Variants in PCDHGA1 observed in about 807,000 individuals in gnomAD.
PCDHGA1 encodes the protein protocadherin gamma-A1.
Under a neutral mutation model 58.0 loss-of-function variants are expected in PCDHGA1, and 32 were observed. The observed-to-expected ratio is 0.55, with a 90% confidence interval of 0.42 to 0.74. The LOEUF (loss-of-function observed/expected upper bound fraction) is 0.74, where lower values mean the gene tolerates loss of function less well. PCDHGA1 is among the 30% of genes least tolerant of loss of function. PCDHGA1 has a pLI of 0.00. For synonymous variants in PCDHGA1, 498 were observed against 501.1 expected (o/e 0.99, Z 0.08); for missense variants, 1,205 against 1,182.3 (o/e 1.02, Z -0.28).
In PCDHGA1 at chr5:141,408,459, T is replaced by A; in HGVS notation, c.2421+75354T>A. 5 of 1,613,950 alleles carry A rather than the reference T, an allele frequency of 3.1e-6. No homozygotes were observed. The East Asian group carries it at 1.1e-4, about 36-fold the overall frequency. Reference sequence around the variant, plus strand: ...GACGCGGAGAGCGGGGACTTACTTGTGAAGAACCGAATAGACCGTGAGCAA... The same window carrying A: ...GACGCGGAGAGCGGGGACTTACTTGAGAAGAACCGAATAGACCGTGAGCAA... On this transcript the variant is annotated intron_variant, in intron 1 of 3. Transcript: ENST00000517417.
chr5:141,389,850 GC>G (rs757946267), intron 1 of PCDHGA1: 1 of 1,614,070 alleles, frequency 6.2e-7, no homozygotes, highest in Non-Finnish European at 8.5e-7. Context: ...CTCGGCCACT[GC>G]CACGTTGCAC....
chr5:141,470,147 T>A (rs1394329530), intron 1 of PCDHGA1, among the ~76,000 whole-genome samples: 1 of 152,172 alleles, frequency 6.6e-6, no homozygotes. Context: ...AGATCATAGA[T>A]CATCTTATCA....
intron 1 of PCDHGA1, chr5:141,405,556 C>T: frequency 1.6e-6 from 1 of 619,826 alleles, no homozygotes; most frequent in East Asian, 2.7e-5. Context: ...AGTAGAGTAG[C>T]TGGGACTAGA....
In PCDHGA1 at chr5:141,331,053, A is replaced by G; in HGVS notation, c.369A>G (p.Ile123Met). 1 of 1,614,142 alleles carries G rather than the reference A, an allele frequency of 6.2e-7. No homozygotes were observed. The highest frequency in any genetic ancestry group is 2.2e-5 in the East Asian group (1 of 44,884). ...KMKLFPVEVE[I>M]IDINDNTPQF... ...AGCTTTTTCCTGTTGAAGTAGAAAT[A>G]ATTGATATTAATGACAACACTCCCC... is the stretch of plus-strand genomic sequence containing the variant. The change falls in exon 1 of 4, where the codon ATA becomes ATG. Residue 123 changes from isoleucine (I) to methionine (M), a missense_variant. Coordinates refer to ENST00000517417, the MANE Select transcript of PCDHGA1 (RefSeq NM_018912.3).
intron 1 of PCDHGA1, among the ~76,000 whole-genome samples, chr5:141,437,556 T>C (rs1427506223): frequency 6.6e-6 from 1 of 152,228 alleles, no homozygotes; most frequent in African/African-American, 2.4e-5. Context: ...CTTTATGACA[T>C]GTAACAGAGT....
chr5:141,399,955 C>G, intron 1 of PCDHGA1: 1 of 1,612,146 alleles, frequency 6.2e-7, no homozygotes. Flanking sequence ...GGCTAGCGAG[C>G]CCGGGCTCTT....
chr5:141,350,887 G>A (rs2149759418), intron 1 of PCDHGA1: 3 of 1,614,044 alleles, frequency 1.9e-6, no homozygotes, highest in Non-Finnish European at 2.5e-6. Flanking sequence ...GCTTAATCCT[G>A]ACTGCCATGG....
intron 1 of PCDHGA1, chr5:141,416,537 G>T (rs2096038948): frequency 6.6e-6 from 1 of 152,082 alleles, no homozygotes; most frequent in Admixed American, 6.6e-5. Context: ...AATGTATAAG[G>T]AGGCAAACAC....
In PCDHGA1 at chr5:141,485,735, G is replaced by A; in HGVS notation, c.2422-9072G>A. 6.2e-7 allele frequency: 1 copy of A among 1,614,166 alleles called. No homozygotes were observed. The highest frequency in any genetic ancestry group is 8.5e-7 in the Non-Finnish European group (1 of 1,180,036). On this transcript the variant is annotated intron_variant, in intron 1 of 3. Coordinates refer to ENST00000517417, the MANE Select transcript of PCDHGA1 (RefSeq NM_018912.3). The surrounding 1 kb of genome is among the most constrained non-coding windows in gnomAD (Gnocchi z 5.7). Reference sequence around the variant, plus strand: ...ACTGGATGTGAAGAAGCGCAGCGACGGCAGCCTGGTCCCAGAGCTGCTCCT... The same window carrying A: ...ACTGGATGTGAAGAAGCGCAGCGACAGCAGCCTGGTCCCAGAGCTGCTCCT...
chr5:141,391,744 C>T (rs559357798), intron 1 of PCDHGA1: 1 of 152,230 alleles, frequency 6.6e-6, no homozygotes, highest in South Asian at 2.1e-4. Context: ...TCATACTTAT[C>T]CTTTGGCTTC....
chr5:141,489,089 A>C lies in PCDHGA1; in HGVS notation c.2422-5718A>C. 6 of 284,452 alleles carry C rather than the reference A, an allele frequency of 2.1e-5. No individual in the cohort carries two copies. The highest frequency in any genetic ancestry group is 5.7e-5 in the East Asian group (1 of 17,568). The allele number at this position is 284,452 out of a possible 1,614,324, so 17.6% of individuals were successfully genotyped here. A position where few individuals can be genotyped will look rare whatever the true frequency, so the allele number is the denominator to read the frequency against. Reference sequence around the variant, plus strand: ...CCCTGCCCACCCCCGCCACTCGGTGACTAAGAACTGCTGCAAGCAGGCAAA... The same window carrying C: ...CCCTGCCCACCCCCGCCACTCGGTGCCTAAGAACTGCTGCAAGCAGGCAAA... On this transcript the variant is annotated intron_variant, in intron 1 of 3. Transcript: ENST00000517417. This position sits in a 1 kb window ranked among gnomAD's most constrained non-coding sequence, Gnocchi z 4.5.
At chr5:141,428,226 C>A (rs2154552641) in intron 1 of PCDHGA1, 1 of 1,137,180 alleles carries the variant, frequency 8.8e-7, no homozygotes, top group South Asian at 1.3e-5. Flanking sequence ...TCTTCGCAGA[C>A]AGCCTGCAGG....
chr5:141,399,330 A>T, intron 1 of PCDHGA1: 1 of 1,613,994 alleles, frequency 6.2e-7, no homozygotes, highest in Non-Finnish European at 8.5e-7. Flanking sequence ...ATAAGTTGGT[A>T]ACAGATGGAA....
intron 1 of PCDHGA1, among the ~76,000 whole-genome samples, chr5:141,492,631 A>G (rs1203365582): frequency 6.6e-6 from 1 of 152,184 alleles, no homozygotes; most frequent in Non-Finnish European, 1.5e-5. Flanking sequence ...GCAGGACTCT[A>G]CGATCCTTGG....
At chr5:141,344,099 G>C in intron 1 of PCDHGA1, 1 of 1,613,776 alleles carries the variant, frequency 6.2e-7, no homozygotes. Context: ...TCCTGGGGAC[G>C]CTGTGCGAAA....
At chr5:141,352,305 C>G (rs1758974318) in intron 1 of PCDHGA1, 1 of 1,613,952 alleles carries the variant, frequency 6.2e-7, no homozygotes, top group Non-Finnish European at 8.5e-7. Context: ...GACCCCCAGA[C>G]GGAACTGCAG....
intron 1 of PCDHGA1, chr5:141,390,879 T>C (rs965843602): frequency 1.3e-5 from 2 of 153,458 alleles, no homozygotes; most frequent in African/African-American, 4.8e-5. Flanking sequence ...TGTGTGTGTG[T>C]GTGTGTGTGA....
chr5:141,392,857 T>TGCTGTGC, intron 1 of PCDHGA1: 1 of 1,612,536 alleles, frequency 6.2e-7, no homozygotes, highest in Non-Finnish European at 8.5e-7. Flanking sequence ...GAGCTGATCC[T>TGCTGTGC]GCTGTGCGCG....
intron 1 of PCDHGA1, among the ~76,000 whole-genome samples, chr5:141,457,424 C>T (rs1261475379): frequency 6.6e-6 from 1 of 152,068 alleles, no homozygotes; most frequent in Non-Finnish European, 1.5e-5. Context: ...TCCCTTTTTC[C>T]CCCCCACCAA....
Sources: allele counts gnomAD v4.1 joint callset (sites outside exome capture counted in the v4.1 genomes callset), GRCh38; gene constraint gnomAD v4.1.1; non-coding constraint Gnocchi (gnomAD v3.1); transcripts MANE v1.5; gene names NCBI Gene and HGNC (gene_info 2026-07-23, HGNC 2026-07-21).